Variants in AK4 observed in about 807,000 individuals in gnomAD.
AK4 encodes adenylate kinase 4.
AK4 carries 13 observed loss-of-function variants against 24.6 expected under a neutral mutation model. That is an observed-to-expected ratio of 0.53 (90% CI 0.34 to 0.84). The LOEUF is 0.84. Among genes scored for constraint, AK4 ranks in the 40% least tolerant of loss-of-function variants. AK4 has a pLI of 0.01. For missense variants in AK4, 192 were observed against 288.2 expected (o/e 0.67, Z 2.42); for synonymous variants, 88 against 107.0 (o/e 0.82, Z 1.10).
At chr1:65,215,176 CTT>C (rs1553127383) in intron 2 of AK4, among the ~76,000 whole-genome samples, 3 of 114,630 alleles carry the variant, frequency 2.6e-5, no homozygotes, top group East Asian at 4.4e-4. Context: ...TTCTTTCTTT[CTT>C]TTTTTTTTGT....
chr1:65,222,420 A>G (rs1340665853), intron 3 of AK4, among the ~76,000 whole-genome samples: 4 of 152,180 alleles, frequency 2.6e-5, no homozygotes, highest in Non-Finnish European at 5.9e-5. Flanking sequence ...GAAAAGCCTT[A>G]CTGAGGATTC....
At chr1:65,180,300 T>C (rs1004947621) in intron 1 of AK4, among the ~76,000 whole-genome samples, 6 of 152,198 alleles carry the variant, frequency 3.9e-5, no homozygotes. Flanking sequence ...ATGCAACAAT[T>C]AGCTGGGCAT....
intron 1 of AK4, among the ~76,000 whole-genome samples, chr1:65,187,423 C>T (rs920621162): frequency 4.1e-5 from 6 of 147,514 alleles, no homozygotes; most frequent in Admixed American, 1.4e-4. Context: ...TTGCTGGGGG[C>T]GAGAGGGAGA....
At chr1:65,218,270 T>C (rs1358432010) in intron 2 of AK4, among the ~76,000 whole-genome samples, 2 of 107,918 alleles carry the variant, frequency 1.9e-5, no homozygotes, top group Non-Finnish European at 3.7e-5. Flanking sequence ...GATAAAATGC[T>C]TTCCCTTCAC....
chr1:65,215,855 T>C (rs999825671), intron 2 of AK4, among the ~76,000 whole-genome samples: 3 of 152,208 alleles, frequency 2.0e-5, no homozygotes, highest in Non-Finnish European at 2.9e-5. Flanking sequence ...ACTAATGTTA[T>C]GTTATCTTTT....
At chr1:65,154,997 C>T (rs565277351) in intron 1 of AK4, among the ~76,000 whole-genome samples, 94 of 151,536 alleles carry the variant, frequency 6.2e-4, no homozygotes, top group African/African-American at 2.2e-3. Flanking sequence ...ATTACAGGCG[C>T]CCACCACCAT....
At chr1:65,150,508 G>A (rs1236358307) in intron 1 of AK4, among the ~76,000 whole-genome samples, 1 of 152,126 alleles carries the variant, frequency 6.6e-6, no homozygotes, top group Non-Finnish European at 1.5e-5. Context: ...TGTTTTGAAA[G>A]TGGCTTGTTT....
chr1:65,168,305 C>G (rs1650400890), intron 1 of AK4, among the ~76,000 whole-genome samples: 1 of 152,056 alleles, frequency 6.6e-6, no homozygotes, highest in Non-Finnish European at 1.5e-5. Flanking sequence ...TGTCACCATG[C>G]CCAGCTAATT....
At chr1:65,197,579 A>G (rs539456847) in intron 2 of AK4, among the ~76,000 whole-genome samples, 6 of 152,220 alleles carry the variant, frequency 3.9e-5, no homozygotes, top group Non-Finnish European at 5.9e-5. Flanking sequence ...TGTTTTTAGC[A>G]TAAGTCAGAG....
At chr1:65,206,629 C>T (rs546421890) in intron 2 of AK4, among the ~76,000 whole-genome samples, 1 of 152,300 alleles carries the variant, frequency 6.6e-6, no homozygotes, top group African/African-American at 2.4e-5. Context: ...AACCAATGTC[C>T]AGGTGTGGCG....
chr1:65,170,153 G>C (rs1221037327), intron 1 of AK4, among the ~76,000 whole-genome samples: 3 of 152,064 alleles, frequency 2.0e-5, no homozygotes, highest in Non-Finnish European at 4.4e-5. Flanking sequence ...GAGGCGGGCG[G>C]ATCACGAGGT....
At position 65,170,117 on chromosome 1, in the gene AK4, C is replaced by G. The variant is rs12041897; in HGVS notation, c.146-20593C>G. Among the ~76,000 whole-genome samples the G allele has an allele frequency of 2.2e-4, 33 of 152,264 alleles. No homozygotes were observed. In the East Asian group the frequency reaches 4.4e-3, roughly 20 times the overall value. On this transcript the variant is annotated intron_variant, in intron 1 of 4. Transcript: ENST00000327299. ...TTTGGCCAGGCGTGGTGGCTCACGC[C>G]TGTAATCCCAGCACTTTGGGAGGCG... is the stretch of plus-strand genomic sequence containing the variant.
chr1:65,212,589 T>C (rs1312093123), intron 2 of AK4, among the ~76,000 whole-genome samples: 1 of 152,172 alleles, frequency 6.6e-6, no homozygotes, highest in Non-Finnish European at 1.5e-5. Context: ...GCTGGGCTTA[T>C]GCAATCCTTC....
At position 65,159,301 on chromosome 1, in the gene AK4, C is replaced by A. The variant is rs1353485418; in HGVS notation, c.145+10749C>A. 2.0e-5 allele frequency among the ~76,000 whole-genome samples: 3 copies of A among 152,220 alleles called. 1 individual carries two copies. Among genetic ancestry groups the A allele is most frequent in the Admixed American group, 2.0e-4 (3 of 15,280 alleles). On this transcript the variant is annotated intron_variant, in intron 1 of 4. Coordinates refer to ENST00000327299, the MANE Select transcript of AK4 (RefSeq NM_013410.4). Reference sequence around the variant, plus strand: ...AATTATCTCTAATTCCCACACAGATCTCCAGAGCAGTTTTTGTTATATCAT... The same window carrying A: ...AATTATCTCTAATTCCCACACAGATATCCAGAGCAGTTTTTGTTATATCAT...
intron 1 of AK4, among the ~76,000 whole-genome samples, chr1:65,170,524 C>T (rs141428138): frequency 1.6e-3 from 243 of 152,300 alleles, no homozygotes; most frequent in African/African-American, 5.7e-3. Flanking sequence ...TTAGCTTATG[C>T]GTAGAGGAGC....
intron 2 of AK4, among the ~76,000 whole-genome samples, chr1:65,199,574 A>T (rs916604667): frequency 3.3e-5 from 5 of 152,088 alleles, no homozygotes; most frequent in African/African-American, 1.2e-4. Flanking sequence ...AGAAAAAAAA[A>T]ATTTGTAACC....
intron 2 of AK4, among the ~76,000 whole-genome samples, chr1:65,192,555 C>G (rs886292500): frequency 1.3e-5 from 2 of 152,196 alleles, no homozygotes; most frequent in African/African-American, 2.4e-5. Context: ...TTCTCACATG[C>G]AAAATATATT....
intron 2 of AK4, among the ~76,000 whole-genome samples, chr1:65,199,799 C>T (rs1456201866): frequency 6.6e-6 from 1 of 152,090 alleles, no homozygotes; most frequent in Admixed American, 6.5e-5. Flanking sequence ...CTTATACTTA[C>T]TGGTTGGGTA....
At position 65,220,611 on chromosome 1, in the gene AK4, G is replaced by A. The variant is rs532767035; in HGVS notation, c.438+1685G>A. Reference sequence around the variant, plus strand: ...CTGCCTCAGCCTCCTGAGTAGCTGGGATTACAGGCATGTGCCAGCATGCCT... The same window carrying A: ...CTGCCTCAGCCTCCTGAGTAGCTGGAATTACAGGCATGTGCCAGCATGCCT... On this transcript the variant is annotated intron_variant, in intron 3 of 4. Transcript: ENST00000327299. Among the ~76,000 whole-genome samples, 8 of 152,276 alleles carry A rather than the reference G, an allele frequency of 5.3e-5. No homozygotes were observed. In the South Asian group the frequency reaches 1.7e-3, roughly 32 times the overall value.
Sources: allele counts gnomAD v4.1 joint callset (sites outside exome capture counted in the v4.1 genomes callset), GRCh38; gene constraint gnomAD v4.1.1; transcripts MANE v1.5; gene names NCBI Gene and HGNC (gene_info 2026-07-23, HGNC 2026-07-21).